Variants in EMC2 observed in about 807,000 individuals in gnomAD.
EMC2 encodes TPR repeat protein 35.
Under a neutral mutation model 51.6 loss-of-function variants are expected in EMC2, and 37 were observed. That is an observed-to-expected ratio of 0.72 (90% CI 0.55 to 0.94). EMC2 has a LOEUF of 0.94. Ranked by LOEUF, EMC2 falls within the 40% of genes least tolerant of loss-of-function variation. EMC2 has a pLI of 0.00. For synonymous variants in EMC2, 131 were observed against 112.4 expected, an observed-to-expected ratio of 1.17 and a Z score of -1.04; for missense variants, 359 against 350.9, an observed-to-expected ratio of 1.02 and a Z score of -0.18.
chr8:108,443,943 C>T (rs546940801), intron 1 of EMC2, among the ~76,000 whole-genome samples: 2 of 152,272 alleles, frequency 1.3e-5, no homozygotes, highest in Non-Finnish European at 2.9e-5. Context: ...GTCCAGCGTC[C>T]CGGGGCCGCT....
At chr8:108,473,272 A>G (rs13268934) in intron 7 of EMC2, among the ~76,000 whole-genome samples, 34,354 of 151,848 alleles carry the variant, frequency 0.23, 4,789 homozygotes, top group East Asian at 0.41. Context: ...AGCACTACCA[A>G]TATGTATTAT....
chr8:108,488,781 A>G lies in EMC2; in HGVS notation c.*2183A>G, dbSNP rs979280035. 8.5e-5 allele frequency among the ~76,000 whole-genome samples: 13 copies of G among 152,286 alleles called. No homozygotes were observed. The highest frequency in any genetic ancestry group is 2.2e-4 in the African/African-American group (9 of 41,560). ...ATTAGTACGAGGCAGAACTTTTTGC[A>G]GTGAAGGAAATCAACCATCCATTCT... On this transcript the variant is annotated 3_prime_UTR_variant, in exon 11 of 11. Transcript: ENST00000220853.
At chr8:108,455,846 T>G in intron 4 of EMC2, 27 bp from the exon 5 acceptor site, 2 of 820,082 alleles carry the variant, frequency 2.4e-6, no homozygotes, top group Non-Finnish European at 3.8e-6. Flanking sequence ...GTAATAATTG[T>G]AGATGTTTCT....
chr8:108,460,297 T>C (rs1382654495), intron 5 of EMC2, among the ~76,000 whole-genome samples: 1 of 152,256 alleles, frequency 6.6e-6, no homozygotes, highest in African/African-American at 2.4e-5. Context: ...ATGTGATTAA[T>C]TATTGCTCTG....
intron 3 of EMC2, 30 bp from the exon 4 acceptor site, chr8:108,453,032 G>A: frequency 7.6e-7 from 1 of 1,319,682 alleles, no homozygotes; most frequent in South Asian, 1.3e-5. Context: ...TATAAATAAT[G>A]TAATTACTAC....
At chr8:108,477,766 T>A (rs1810973812) in intron 9 of EMC2, among the ~76,000 whole-genome samples, 1 of 152,082 alleles carries the variant, frequency 6.6e-6, no homozygotes, top group Admixed American at 6.6e-5. Context: ...ATACTAATTT[T>A]AAAAACTAAT....
In EMC2 at chr8:108,488,936, C is replaced by T. The variant is rs1202738953; in HGVS notation, c.*2338C>T. Among the ~76,000 whole-genome samples, 1 of 152,146 alleles carries T rather than the reference C, an allele frequency of 6.6e-6. No individual in the cohort carries two copies. Among genetic ancestry groups the T allele is most frequent in the Non-Finnish European group, 1.5e-5 (1 of 68,030 alleles). On this transcript the variant is annotated 3_prime_UTR_variant, in exon 11 of 11. Transcript: ENST00000220853. The stretch of plus-strand genomic sequence containing the variant: ...GGGCTTTCCTTTCAAATTAAAAAAT[C>T]AGAGCTTTGTGTGGTAACAGTCATT...
intron 5 of EMC2, among the ~76,000 whole-genome samples, chr8:108,461,220 T>A (rs1804376615): frequency 6.6e-6 from 1 of 152,266 alleles, no homozygotes; most frequent in African/African-American, 2.4e-5. Context: ...ATTTGTCTTA[T>A]GCCTCTGTGT....
At chr8:108,451,170 TC>T (rs1819009634) in intron 3 of EMC2, among the ~76,000 whole-genome samples, 1 of 151,196 alleles carries the variant, frequency 6.6e-6, no homozygotes, top group South Asian at 2.1e-4. Flanking sequence ...GCCACTGCAC[TC>T]CAGCCTGGGC....
intron 5 of EMC2, among the ~76,000 whole-genome samples, chr8:108,457,935 C>G (rs1017763512): frequency 2.0e-5 from 3 of 152,168 alleles, no homozygotes; most frequent in Admixed American, 6.5e-5. Flanking sequence ...CACCTATGAT[C>G]CTGTAAAATC....
chr8:108,445,591 C>A (rs375063089), intron 1 of EMC2, among the ~76,000 whole-genome samples: 2 of 151,582 alleles, frequency 1.3e-5, no homozygotes, highest in African/African-American at 4.8e-5. Flanking sequence ...TCATCCCCCA[C>A]CAAAATTGAA....
Position 108,488,078 on chromosome 8 carries a change from G to A in EMC2, c.*1480G>A, listed in dbSNP as rs1480901296. 1.3e-5 allele frequency among the ~76,000 whole-genome samples: 2 copies of A among 151,630 alleles called. No individual in the cohort carries two copies. The highest frequency in any genetic ancestry group is 2.1e-4 in the South Asian group (1 of 4,814). On this transcript the variant is annotated 3_prime_UTR_variant, in exon 11 of 11. Transcript: ENST00000220853. ...CTTTTCCCCTTCAAACCTCCTCCCC[G>A]TCAGTCACTGGATTAGTGTTTACTC...
Position 108,449,850 on chromosome 8 carries a change from G to A in EMC2, c.68G>A (p.Arg23Lys). 6.4e-7 allele frequency: 1 copy of A among 1,574,044 alleles called. No individual in the cohort carries two copies. Among genetic ancestry groups the A allele is most frequent in the Non-Finnish European group, 8.7e-7 (1 of 1,145,072 alleles). The change falls in exon 2 of 11, where the codon AGA (arginine) becomes AAA (lysine). Residue 23 changes from arginine (R) to lysine (K), a missense_variant. By Grantham distance (26) the Arg-to-Lys change is conservative. Coordinates refer to ENST00000220853, the MANE Select transcript of EMC2 (RefSeq NM_014673.5). ...ATGAGAGATAAAATGAGAAAATGGA[G>A]AGAAGAAAACTCAAGAAATAGTGAG... ...EEMRDKMRKW[R>K]EENSRNSEQI...
intron 10 of EMC2, among the ~76,000 whole-genome samples, chr8:108,485,298 T>C (rs928372626): frequency 3.3e-5 from 5 of 151,312 alleles, no homozygotes; most frequent in Non-Finnish European, 7.4e-5. Context: ...CTTGAAGAAA[T>C]GATCATTCAC....
chr8:108,482,337 T>A (rs968149279), intron 10 of EMC2, among the ~76,000 whole-genome samples: 1 of 152,218 alleles, frequency 6.6e-6, no homozygotes, highest in Non-Finnish European at 1.5e-5. Context: ...AGCCCTTTTT[T>A]AGTTATATGT....
At position 108,475,713 on chromosome 8, in the gene EMC2, G is replaced by A. The variant is rs539442592; in HGVS notation, c.510-169G>A. The A allele has an allele frequency of 5.7e-5, 30 of 523,736 alleles. No homozygotes were observed. The South Asian group carries it at 7.3e-4, about 13-fold the overall frequency. The allele number at this position is 523,736 out of a possible 1,614,324, so 32.4% of individuals were successfully genotyped here. On this transcript the variant is annotated intron_variant, in intron 7 of 10. Coordinates refer to ENST00000220853, the MANE Select transcript of EMC2 (RefSeq NM_014673.5). Reference sequence around the variant, plus strand: ...TTTCATGATAAAATTTAATGTCATTGATATTTATGAATTTCAGATGACAAA... The same window carrying A: ...TTTCATGATAAAATTTAATGTCATTAATATTTATGAATTTCAGATGACAAA...
intron 4 of EMC2, 140 bp from the exon 5 acceptor site, chr8:108,455,733 C>T (rs11774379): frequency 0.24 from 87,767 of 364,014 alleles, 11,477 homozygotes; most frequent in South Asian, 0.3. Context: ...ACTTCGGTAA[C>T]GATTATAAAT....
intron 5 of EMC2, among the ~76,000 whole-genome samples, chr8:108,458,123 C>T (rs998889750): frequency 2.6e-5 from 4 of 152,236 alleles, no homozygotes; most frequent in Admixed American, 6.5e-5. Flanking sequence ...CTCCATGTCT[C>T]ACATCCAGGT....
chr8:108,452,551 A>C (rs888185929), intron 3 of EMC2, among the ~76,000 whole-genome samples: 3 of 152,126 alleles, frequency 2.0e-5, no homozygotes, highest in Non-Finnish European at 2.9e-5. Flanking sequence ...TGGGTAACAG[A>C]GCAAGACTCC....
Sources: allele counts gnomAD v4.1 joint callset (sites outside exome capture counted in the v4.1 genomes callset), GRCh38; gene constraint gnomAD v4.1.1; transcripts MANE v1.5; gene names NCBI Gene and HGNC (gene_info 2026-07-23, HGNC 2026-07-21).